Variants in PPARGC1A observed in about 807,000 individuals in gnomAD.
The protein encoded by PPARGC1A is PPARG coactivator 1 alpha.
A neutral mutation model predicts 88.7 loss-of-function variants in PPARGC1A; 25 were observed. The ratio of observed to expected loss-of-function variants is 0.28; its 90% CI spans 0.21 to 0.39. The LOEUF (loss-of-function observed/expected upper bound fraction) is 0.39. Among genes scored for constraint, PPARGC1A ranks in the 10% least tolerant of loss-of-function variants. The pLI, the probability that PPARGC1A is intolerant of heterozygous loss-of-function variation, is 1.00. For synonymous variants in PPARGC1A, 363 were observed against 355.6 expected, an observed-to-expected ratio of 1.02 and a Z score of -0.24; for missense variants, 880 against 968.7, an observed-to-expected ratio of 0.91 and a Z score of 1.22.
At chr4:23,928,177 G>A in the PPARGC1A span, among the ~76,000 whole-genome samples, 7 of 152,172 alleles carry the variant, frequency 4.6e-5, no homozygotes, top group African/African-American at 1.4e-4. Flanking sequence ...TGCTTCGTTC[G>A]TTCAAGGTTA....
the PPARGC1A span, among the ~76,000 whole-genome samples, chr4:24,201,115 C>T: frequency 3.1e-4 from 47 of 152,266 alleles, no homozygotes; most frequent in Non-Finnish European, 6.0e-4. Flanking sequence ...CTCCTGAGCA[C>T]TTAAGTATTT....
chr4:24,167,632 C>A, the PPARGC1A span, among the ~76,000 whole-genome samples: 6 of 152,176 alleles, frequency 3.9e-5, no homozygotes, highest in Admixed American at 2.0e-4. Context: ...CAGCAACCAC[C>A]CTGATCAGTC....
the PPARGC1A span, among the ~76,000 whole-genome samples, chr4:24,146,625 T>C: frequency 6.6e-6 from 1 of 152,234 alleles, no homozygotes; most frequent in South Asian, 2.1e-4. Flanking sequence ...TGAGCTGTTA[T>C]TAGCAGACAA....
the PPARGC1A span, among the ~76,000 whole-genome samples, chr4:24,121,702 G>T: frequency 6.6e-6 from 1 of 152,164 alleles, no homozygotes; most frequent in Non-Finnish European, 1.5e-5. Context: ...GCAGCCTTAC[G>T]TGGGAGGGGA....
the PPARGC1A span, among the ~76,000 whole-genome samples, chr4:24,361,720 T>C: frequency 1.3e-5 from 2 of 152,210 alleles, no homozygotes; most frequent in Non-Finnish European, 2.9e-5. Flanking sequence ...AAATTTATAT[T>C]CAGGACCTTA....
At chr4:24,304,026 C>A in the PPARGC1A span, among the ~76,000 whole-genome samples, 1 of 152,208 alleles carries the variant, frequency 6.6e-6, no homozygotes, top group Non-Finnish European at 1.5e-5. Context: ...CAAACCCCCA[C>A]AACTCCCTTG....
chr4:24,401,560 C>T, the PPARGC1A span, among the ~76,000 whole-genome samples: 1 of 152,178 alleles, frequency 6.6e-6, no homozygotes, highest in East Asian at 1.9e-4. Flanking sequence ...GTTTACTGAG[C>T]ATGTACTATG....
the PPARGC1A span, among the ~76,000 whole-genome samples, chr4:24,233,677 C>A: frequency 5.3e-5 from 8 of 152,070 alleles, no homozygotes; most frequent in East Asian, 1.4e-3. Context: ...CCAAACATTT[C>A]TCTTCCTTCT....
chr4:24,064,708 T>G, the PPARGC1A span, among the ~76,000 whole-genome samples: 2,830 of 152,154 alleles, frequency 0.019, 95 homozygotes, highest in African/African-American at 0.063. Context: ...GCACCATCCT[T>G]TTATTCAGAT....
chr4:24,293,314 C>T, the PPARGC1A span, among the ~76,000 whole-genome samples: 18 of 3,070 alleles, frequency 5.9e-3, 3 homozygotes, highest in East Asian at 0.053. Context: ...CCTACCCCCT[C>T]ATCCCCACAC....
At chr4:24,105,203 T>A in the PPARGC1A span, among the ~76,000 whole-genome samples, 1 of 152,196 alleles carries the variant, frequency 6.6e-6, no homozygotes, top group Non-Finnish European at 1.5e-5. Flanking sequence ...GCTTATAGAA[T>A]TGTGTAATTT....
the PPARGC1A span, among the ~76,000 whole-genome samples, chr4:24,456,557 G>C: frequency 6.6e-6 from 1 of 152,104 alleles, no homozygotes; most frequent in Non-Finnish European, 1.5e-5. Flanking sequence ...GAAATAGCTT[G>C]CATGCAGAAG....
At chr4:24,394,759 C>T in the PPARGC1A span, among the ~76,000 whole-genome samples, 1 of 152,068 alleles carries the variant, frequency 6.6e-6, no homozygotes, top group African/African-American at 2.4e-5. Flanking sequence ...TTTTATATGC[C>T]ACTAAGAAAG....
At chr4:23,810,858 G>C (rs1214830045) in intron 10 of PPARGC1A, among the ~76,000 whole-genome samples, 1 of 152,130 alleles carries the variant, frequency 6.6e-6, no homozygotes, top group Admixed American at 6.5e-5. Context: ...AAAAGGCTTT[G>C]TAAATTATAT....
chr4:23,930,962 C>G, the PPARGC1A span, among the ~76,000 whole-genome samples: 3 of 152,232 alleles, frequency 2.0e-5, no homozygotes, highest in Non-Finnish European at 4.4e-5. Flanking sequence ...TGGCTTAGAA[C>G]ACAAGGCTCC....
the PPARGC1A span, among the ~76,000 whole-genome samples, chr4:24,416,315 A>G: frequency 6.2e-5 from 4 of 64,872 alleles, no homozygotes; most frequent in Admixed American, 1.6e-4. Flanking sequence ...TATTTAGTAT[A>G]CAGTGTGGAT....
At chr4:24,432,761 C>T in the PPARGC1A span, among the ~76,000 whole-genome samples, 9 of 152,288 alleles carry the variant, frequency 5.9e-5, no homozygotes, top group African/African-American at 1.4e-4. Context: ...TCTAGTCTCA[C>T]TGGCTTGTGG....
chr4:23,859,094 G>T (rs1421098467), intron 2 of PPARGC1A, among the ~76,000 whole-genome samples: 2 of 152,008 alleles, frequency 1.3e-5, no homozygotes, highest in East Asian at 3.9e-4. Context: ...TCCAGTACAT[G>T]ATTCAAATAC....
chr4:24,140,217 G>T, the PPARGC1A span, among the ~76,000 whole-genome samples: 1 of 152,200 alleles, frequency 6.6e-6, no homozygotes, highest in Non-Finnish European at 1.5e-5. Flanking sequence ...TAAACACAAG[G>T]TGGGGTGGAG....
Sources: allele counts gnomAD v4.1 joint callset (sites outside exome capture counted in the v4.1 genomes callset), GRCh38; gene constraint gnomAD v4.1.1; transcripts MANE v1.5; gene names NCBI Gene and HGNC (gene_info 2026-07-23, HGNC 2026-07-21).